UNC13C: variants seen among roughly 807,000 people sequenced by gnomAD.
The protein encoded by UNC13C is unc-13 homolog C.
A neutral mutation model predicts 245.4 loss-of-function variants in UNC13C; 174 were observed. The observed-to-expected ratio is 0.71, with a 90% CI of 0.63 to 0.80. The LOEUF is 0.80. Among genes scored for constraint, UNC13C ranks in the 30% least tolerant of loss-of-function variants. The pLI, the probability that UNC13C is intolerant of heterozygous loss-of-function variation, is 0.00. For missense variants in UNC13C, 2,829 were observed against 2,602.9 expected (o/e 1.09, Z -1.89); for synonymous variants, 992 against 895.1 (o/e 1.11, Z -1.93).
At chr15:54,011,490 T>G (rs955035262) in intron 1 of UNC13C, among the ~76,000 whole-genome samples, 6 of 152,240 alleles carry the variant, frequency 3.9e-5, no homozygotes, top group African/African-American at 1.4e-4. Context: ...AAATAATTTA[T>G]CTACCTGATT....
At chr15:54,267,744 T>C (rs989510245) in intron 10 of UNC13C, among the ~76,000 whole-genome samples, 52 of 152,054 alleles carry the variant, frequency 3.4e-4, no homozygotes, top group African/African-American at 1.2e-3. Context: ...CATGGTGTAA[T>C]ATTCTTCCTT....
the UNC13C span, among the ~76,000 whole-genome samples, chr15:53,959,019 C>G: frequency 6.6e-6 from 1 of 152,164 alleles, no homozygotes; most frequent in Admixed American, 6.5e-5. Flanking sequence ...ACATTTTTAG[C>G]TCCCACATAT....
chr15:53,999,111 A>G (rs917412602), intron 1 of UNC13C, among the ~76,000 whole-genome samples: 4 of 152,034 alleles, frequency 2.6e-5, no homozygotes, highest in African/African-American at 9.7e-5. Flanking sequence ...TTTTGTGGCC[A>G]AATAAAGCAA....
At chr15:54,279,683 GC>G (rs1450399545) in intron 10 of UNC13C, among the ~76,000 whole-genome samples, 1 of 152,130 alleles carries the variant, frequency 6.6e-6, no homozygotes, top group Non-Finnish European at 1.5e-5. Context: ...CTGTTTTCTT[GC>G]CAAAAATAAA....
At chr15:54,361,939 C>T (rs948566516) in intron 17 of UNC13C, among the ~76,000 whole-genome samples, 2 of 152,150 alleles carry the variant, frequency 1.3e-5, no homozygotes, top group African/African-American at 4.8e-5. Context: ...ACTTAAGTGG[C>T]ACCAAAACCT....
At chr15:54,334,808 T>C (rs1374737408) in intron 16 of UNC13C, among the ~76,000 whole-genome samples, 1 of 152,150 alleles carries the variant, frequency 6.6e-6, no homozygotes, top group Admixed American at 6.6e-5. Flanking sequence ...GATTGACAAG[T>C]GATGTCTGCC....
intron 1 of UNC13C, among the ~76,000 whole-genome samples, chr15:53,986,488 A>C (rs1313709443): frequency 1.3e-5 from 2 of 152,116 alleles, no homozygotes; most frequent in East Asian, 3.8e-4. Context: ...TGTTTTAGAA[A>C]TATACAGAAT....
intron 17 of UNC13C, among the ~76,000 whole-genome samples, chr15:54,345,755 C>G (rs1197828051): frequency 6.6e-6 from 1 of 152,110 alleles, no homozygotes; most frequent in Non-Finnish European, 1.5e-5. Context: ...TAACTCTGGA[C>G]CAGCTCCCCA....
At chr15:53,914,748 C>A in the UNC13C span, 2 of 152,212 alleles carry the variant, frequency 1.3e-5, no homozygotes, top group Admixed American at 6.5e-5. Flanking sequence ...TGCTTGCCCA[C>A]CCACTCCCTC....
At chr15:54,128,556 T>C (rs569333884) in intron 2 of UNC13C, among the ~76,000 whole-genome samples, 2 of 152,364 alleles carry the variant, frequency 1.3e-5, no homozygotes, top group South Asian at 2.1e-4. Flanking sequence ...AAGTAAGTTT[T>C]GCTGGAAACC....
At chr15:54,100,250 C>A (rs1900095903) in intron 2 of UNC13C, among the ~76,000 whole-genome samples, 1 of 151,764 alleles carries the variant, frequency 6.6e-6, no homozygotes. Context: ...AAATTTACTT[C>A]TTTGAGAGTT....
intron 30 of UNC13C, among the ~76,000 whole-genome samples, chr15:54,587,942 A>T (rs894632848): frequency 2.6e-5 from 4 of 152,238 alleles, no homozygotes; most frequent in African/African-American, 9.6e-5. Flanking sequence ...TGCATTTGTT[A>T]TGCCAAGTTT....
At chr15:54,083,058 A>G (rs974940765) in intron 2 of UNC13C, among the ~76,000 whole-genome samples, 51 of 152,202 alleles carry the variant, frequency 3.4e-4, no homozygotes, top group African/African-American at 1.2e-3. Flanking sequence ...GTAGGTGGCA[A>G]TGAAGAGTAA....
At chr15:54,292,923 T>G (rs1230441837) in intron 10 of UNC13C, among the ~76,000 whole-genome samples, 1 of 148,414 alleles carries the variant, frequency 6.7e-6, no homozygotes, top group Non-Finnish European at 1.5e-5. Context: ...AGATTATATA[T>G]AGAGATAGAT....
chr15:54,115,354 A>T (rs1367291300), intron 2 of UNC13C, among the ~76,000 whole-genome samples: 1 of 152,138 alleles, frequency 6.6e-6, no homozygotes, highest in East Asian at 1.9e-4. Flanking sequence ...TTGTGCCAAC[A>T]TTATCAATTG....
chr15:54,263,926 T>C lies in UNC13C; in HGVS notation c.3449-242T>C, dbSNP rs189867439. Among the ~76,000 whole-genome samples the C allele has an allele frequency of 2.0e-5, 3 of 152,226 alleles. No individual in the cohort carries two copies. In the East Asian group the frequency reaches 5.8e-4, roughly 29 times the overall value. On this transcript the variant is annotated intron_variant, in intron 8 of 32. Transcript: ENST00000260323. ...TTGCACAACACCTAATTTAGTTCAGTAATACAAAAGAAAAGCCTGGGAATC... is the reference window on the plus strand; with the variant it reads ...TTGCACAACACCTAATTTAGTTCAGCAATACAAAAGAAAAGCCTGGGAATC...
intron 4 of UNC13C, among the ~76,000 whole-genome samples, chr15:54,194,886 A>G (rs2141333129): frequency 6.6e-6 from 1 of 152,272 alleles, no homozygotes; most frequent in Non-Finnish European, 1.5e-5. Flanking sequence ...TTTTTGTGAG[A>G]AAAAAATAAG....
At chr15:53,933,657 C>G in the UNC13C span, among the ~76,000 whole-genome samples, 92 of 152,328 alleles carry the variant, frequency 6.0e-4, no homozygotes, top group East Asian at 4.8e-3. Flanking sequence ...TTCTGAACCA[C>G]TGTAGCTCCC....
intron 2 of UNC13C, among the ~76,000 whole-genome samples, chr15:54,065,048 A>G (rs1224407240): frequency 6.6e-6 from 1 of 152,254 alleles, no homozygotes. Context: ...ATTCTGAGCC[A>G]ATATCTAGAT....
Sources: allele counts gnomAD v4.1 joint callset (sites outside exome capture counted in the v4.1 genomes callset), GRCh38; gene constraint gnomAD v4.1.1; transcripts MANE v1.5; gene names NCBI Gene and HGNC (gene_info 2026-07-23, HGNC 2026-07-21).